Variants in JAZF1 observed in about 807,000 individuals in gnomAD.
JAZF1 encodes the protein juxtaposed with another zinc finger protein 1.
In JAZF1, 8 loss-of-function variants were observed where a neutral mutation model predicts 26.4. That is an observed-to-expected ratio of 0.30 (90% CI 0.18 to 0.55). JAZF1 has a LOEUF of 0.55. Among genes scored for constraint, JAZF1 ranks in the 20% least tolerant of loss-of-function variants. The pLI is 0.94. For missense variants in JAZF1, 199 were observed against 322.0 expected, an observed-to-expected ratio of 0.62 and a Z score of 2.92; for synonymous variants, 126 against 122.3, an observed-to-expected ratio of 1.03 and a Z score of -0.20.
chr7:28,031,951 A>T (rs151076122), intron 1 of JAZF1, among the ~76,000 whole-genome samples: 1 of 152,286 alleles, frequency 6.6e-6, no homozygotes, highest in East Asian at 1.9e-4. Flanking sequence ...CAGGATCTAC[A>T]CTTTGTCACA....
At position 27,889,063 on chromosome 7, in the gene JAZF1, T is replaced by C. The variant is rs563943634; in HGVS notation, c.385+6157A>G. On this transcript the variant is annotated intron_variant, in intron 3 of 4. Coordinates refer to ENST00000283928, the MANE Select transcript of JAZF1 (RefSeq NM_175061.4). ...TTCAAAATTCAAGCTAGAAGGCACA[T>C]AGATACTACAATGAGATGGGCCATG... Among the ~76,000 whole-genome samples the C allele has an allele frequency of 2.1e-4, 32 of 152,288 alleles. No homozygotes were observed. The South Asian group carries it at 4.6e-3, about 22-fold the overall frequency.
intron 2 of JAZF1, among the ~76,000 whole-genome samples, chr7:27,920,892 T>G (rs556576801): frequency 1.3e-5 from 2 of 152,336 alleles, no homozygotes; most frequent in East Asian, 3.9e-4. Flanking sequence ...ACAGCTGTAG[T>G]AATGTTGGCA....
chr7:27,891,721 C>A (rs966303749), intron 3 of JAZF1, among the ~76,000 whole-genome samples: 1 of 152,066 alleles, frequency 6.6e-6, no homozygotes, highest in Non-Finnish European at 1.5e-5. Flanking sequence ...CCCAGCTACA[C>A]AGGAGGCTGA....
At chr7:28,071,514 G>T (rs1783976584) in intron 1 of JAZF1, 1 of 433,898 alleles carries the variant, frequency 2.3e-6, no homozygotes, top group Non-Finnish European at 4.7e-6. Flanking sequence ...GAAAGATTTT[G>T]GTTTTTCAAT....
Position 27,831,122 on chromosome 7 carries a change from AC to A in JAZF1, c.*1677del. The A allele has an allele frequency of 4.5e-6, 1 of 223,958 alleles. No homozygotes were observed. Among genetic ancestry groups the A allele is most frequent in the Non-Finnish European group, 8.9e-6 (1 of 111,974 alleles). 13.9% of individuals were successfully genotyped at this position (223,958 alleles called of 1,614,324 possible). A position where few individuals can be genotyped will look rare whatever the true frequency, so the allele number is the denominator to read the frequency against. On this transcript the variant is annotated 3_prime_UTR_variant, in exon 5 of 5. Transcript: ENST00000283928. Reference sequence around the variant, plus strand: ...CATAGGATAACACTGTATATTCAGGACCAAGACCATACTTCAGATCTGAGGA... The same window carrying A: ...CATAGGATAACACTGTATATTCAGGACAAGACCATACTTCAGATCTGAGGA...
intron 3 of JAZF1, among the ~76,000 whole-genome samples, chr7:27,873,124 A>G (rs542687664): frequency 1.3e-5 from 2 of 152,318 alleles, no homozygotes; most frequent in East Asian, 3.9e-4. Context: ...AAGCTTCCAC[A>G]TCAAGTCATT....
chr7:27,935,227 A>C (rs1440927227), intron 2 of JAZF1, among the ~76,000 whole-genome samples: 1 of 152,226 alleles, frequency 6.6e-6, no homozygotes, highest in Non-Finnish European at 1.5e-5. Flanking sequence ...GAGAAATTGG[A>C]ATCGTCACCT....
chr7:28,000,297 A>G (rs6945134), intron 1 of JAZF1, among the ~76,000 whole-genome samples: 35,991 of 152,096 alleles, frequency 0.24, 6,265 homozygotes, highest in African/African-American at 0.48. Context: ...GGAGGGTTCC[A>G]GTATAGTATC....
rs183236412 is a variant in JAZF1 at position 28,160,634 on chromosome 7, C to A, written c.115+19829G>T. Among the ~76,000 whole-genome samples, 3 of 152,190 alleles carry A rather than the reference C, an allele frequency of 2.0e-5. No homozygotes were observed. In the East Asian group the frequency reaches 5.8e-4, roughly 29 times the overall value. ...ATCCCAGGAGGCCATTCCTTGCATA[C>A]CAAAACCATCTCATCAGAAGGTGGC... On this transcript the variant is annotated intron_variant, in intron 1 of 4. Transcript: ENST00000283928.
At chr7:27,874,542 C>T (rs1783641236) in intron 3 of JAZF1, among the ~76,000 whole-genome samples, 1 of 152,146 alleles carries the variant, frequency 6.6e-6, no homozygotes, top group East Asian at 1.9e-4. Flanking sequence ...TCAGATCATT[C>T]AGACAGACAT....
At chr7:27,925,673 C>T (rs943848785) in intron 2 of JAZF1, among the ~76,000 whole-genome samples, 5 of 152,286 alleles carry the variant, frequency 3.3e-5, no homozygotes, top group Admixed American at 2.0e-4. Flanking sequence ...GGGATCCTCT[C>T]GCCTCAGCCT....
chr7:27,846,790 T>C (rs1783039718), intron 3 of JAZF1, among the ~76,000 whole-genome samples: 1 of 150,714 alleles, frequency 6.6e-6, no homozygotes, highest in Admixed American at 6.6e-5. Context: ...TGCCCATTTT[T>C]TAATCAAGTT....
chr7:28,154,147 C>T (rs575259784), intron 1 of JAZF1, among the ~76,000 whole-genome samples: 68 of 152,334 alleles, frequency 4.5e-4, no homozygotes, highest in African/African-American at 1.6e-3. Context: ...CCCATCCCAA[C>T]CCATGAGGGT....
At chr7:27,951,991 A>G (rs1483422600) in intron 2 of JAZF1, among the ~76,000 whole-genome samples, 1 of 152,192 alleles carries the variant, frequency 6.6e-6, no homozygotes, top group Non-Finnish European at 1.5e-5. Flanking sequence ...AACTGAGCCA[A>G]CGCAGAATAT....
intron 2 of JAZF1, among the ~76,000 whole-genome samples, chr7:27,987,558 G>A (rs1785754627): frequency 6.6e-6 from 1 of 151,484 alleles, no homozygotes; most frequent in African/African-American, 2.4e-5. Flanking sequence ...GCCCTGTCCG[G>A]GAGGGAGGTG....
intron 1 of JAZF1, among the ~76,000 whole-genome samples, chr7:28,030,586 T>C (rs1387792298): frequency 1.3e-5 from 2 of 152,210 alleles, no homozygotes; most frequent in African/African-American, 4.8e-5. Context: ...TGCAAAGATC[T>C]TGTAAATTTT....
intron 2 of JAZF1, among the ~76,000 whole-genome samples, chr7:27,955,233 C>T (rs1785069085): frequency 6.6e-6 from 1 of 152,186 alleles, no homozygotes; most frequent in Non-Finnish European, 1.5e-5. Flanking sequence ...ATAAATGAAA[C>T]ACATCCTTTG....
At chr7:28,104,586 A>C (rs1030733734) in intron 1 of JAZF1, among the ~76,000 whole-genome samples, 1 of 152,232 alleles carries the variant, frequency 6.6e-6, no homozygotes, top group African/African-American at 2.4e-5. Context: ...TGTTGTATTG[A>C]AGATATGTCC....
chr7:27,841,078 CA>C (rs199562747), intron 3 of JAZF1: 10,869 of 510,738 alleles, frequency 0.021, 174 homozygotes, highest in Non-Finnish European at 0.028. Flanking sequence ...GAGACCAGGG[CA>C]AGGGCTTCCC....
Sources: gnomAD v4.1 joint callset for allele counts (sites outside exome capture counted in the v4.1 genomes callset) on GRCh38, gnomAD v4.1.1 for gene constraint, MANE v1.5 for transcripts, NCBI Gene and HGNC (gene_info 2026-07-23, HGNC 2026-07-21) for gene names.